NUP54: variants seen among roughly 807,000 people sequenced by gnomAD.
NUP54 encodes the protein nucleoporin 54, also known as nucleoporin p54.
In NUP54, 27 loss-of-function variants were observed where a neutral mutation model predicts 66.4. The ratio of observed to expected loss-of-function variants is 0.41; its 90% CI spans 0.30 to 0.56. The LOEUF (loss-of-function observed/expected upper bound fraction) is 0.56. Ranked by LOEUF, NUP54 falls within the 20% of genes least tolerant of loss-of-function variation. The pLI is 0.34. For missense variants in NUP54, 486 were observed against 596.3 expected (o/e 0.82, Z 1.93); for synonymous variants, 206 against 210.7 (o/e 0.98, Z 0.19).
At chr4:76,122,886 C>T (rs1299658542) in intron 9 of NUP54, among the ~76,000 whole-genome samples, 1 of 151,980 alleles carries the variant, frequency 6.6e-6, no homozygotes, top group African/African-American at 2.4e-5. Context: ...TTTATTAGTA[C>T]CTGAAGTACT....
rs199719595 is a variant in NUP54 at position 76,134,136 on chromosome 4, A to G, written c.710+39T>C. ...TGATCACTCCCTTAGGACCAGAAAT[A>G]AATACACAGAAATAAACAGTATATT... is the stretch of plus-strand genomic sequence containing the variant. On this transcript the variant is annotated intron_variant, in intron 5 of 11. Transcript: ENST00000264883. The G allele has an allele frequency of 7.6e-6, 11 of 1,441,726 alleles. No individual in the cohort carries two copies. The African/African-American group carries it at 1.4e-4, about 19-fold the overall frequency. 89.3% of individuals were successfully genotyped at this position (1,441,726 alleles called of 1,614,324 possible).
chr4:76,125,220 G>A (rs1213033035), intron 8 of NUP54, among the ~76,000 whole-genome samples: 1 of 139,782 alleles, frequency 7.2e-6, no homozygotes. Flanking sequence ...AAACCTGGGG[G>A]ATGGAGCCGA....
intron 11 of NUP54, 81 bp from the exon 12 acceptor site, chr4:76,115,575 T>C (rs1417570423): frequency 8.8e-7 from 1 of 1,137,494 alleles, no homozygotes; most frequent in East Asian, 2.7e-5. Flanking sequence ...AGACTCCACT[T>C]TGACTATTTT....
At chr4:76,117,916 C>G in intron 10 of NUP54, 142 bp from the exon 11 acceptor site, 1 of 989,736 alleles carries the variant, frequency 1.0e-6, no homozygotes, top group East Asian at 2.4e-5. Context: ...AACACTAATA[C>G]TAGCCAAAAG....
intron 1 of NUP54, chr4:76,146,066 T>C (rs1008539330): frequency 6.8e-6 from 3 of 442,440 alleles, no homozygotes; most frequent in East Asian, 7.0e-5. Context: ...GGCTACGCAA[T>C]AGAAACACTA....
intron 8 of NUP54, among the ~76,000 whole-genome samples, chr4:76,126,555 TACA>T (rs1560680161): frequency 6.6e-6 from 1 of 152,170 alleles, no homozygotes; most frequent in African/African-American, 2.4e-5. Context: ...CAAGAGTACT[TACA>T]ACATTATTTT....
At position 76,136,395 on chromosome 4, in the gene NUP54, T is replaced by G. The variant is rs1014086467; in HGVS notation, c.313A>C (p.Ser105Arg). ...TGGGTAGGAGCTTGTGTAGGCTGACTGAAGAGACCACCTAATGCTAAAAAT... is the reference window on the plus strand; with the variant it reads ...TGGGTAGGAGCTTGTGTAGGCTGACGGAAGAGACCACCTAATGCTAAAAAT... ...QQQTTLGGLFSQPTQAPTQSN... is the reference protein window; with the variant it reads ...QQQTTLGGLFRQPTQAPTQSN... Residue 105 changes from serine to arginine, a missense_variant, in exon 4 of 12, where the codon AGT becomes CGT. Coordinates refer to ENST00000264883, the MANE Select transcript of NUP54 (RefSeq NM_017426.4). The G allele has an allele frequency of 6.2e-7, 1 of 1,613,104 alleles. No homozygotes were observed. Among genetic ancestry groups the G allele is most frequent in the Admixed American group, 1.7e-5 (1 of 59,906 alleles).
chr4:76,136,772 G>C (rs550819460), intron 3 of NUP54, among the ~76,000 whole-genome samples: 17 of 152,162 alleles, frequency 1.1e-4, no homozygotes, highest in Non-Finnish European at 2.2e-4. Flanking sequence ...ACTGGAAAAT[G>C]CAAGAGAATG....
chr4:76,116,010 C>T (rs1729936127), intron 11 of NUP54, among the ~76,000 whole-genome samples: 1 of 152,178 alleles, frequency 6.6e-6, no homozygotes, highest in African/African-American at 2.4e-5. Flanking sequence ...TTTGAGCCCC[C>T]TTTGGGGTAC....
intron 4 of NUP54, among the ~76,000 whole-genome samples, chr4:76,135,568 G>C (rs151125409): frequency 6.6e-6 from 1 of 152,222 alleles, no homozygotes; most frequent in African/African-American, 2.4e-5. Flanking sequence ...CCAAACACAG[G>C]GTTATGTACA....
intron 8 of NUP54, 65 bp downstream of exon 8, chr4:76,130,591 G>T (rs1032811162): frequency 1.7e-5 from 18 of 1,070,144 alleles, no homozygotes; most frequent in East Asian, 1.2e-4. Context: ...ATACTAAAAA[G>T]AATTAAATGT....
chr4:76,138,818 G>A (rs2109899657), intron 3 of NUP54, among the ~76,000 whole-genome samples: 1 of 152,256 alleles, frequency 6.6e-6, no homozygotes, highest in South Asian at 2.1e-4. Flanking sequence ...AAAGCAATAA[G>A]GAGGACTAAC....
intron 5 of NUP54, 90 bp downstream of exon 5, chr4:76,134,085 T>C: frequency 1.2e-6 from 1 of 824,582 alleles, no homozygotes; most frequent in Non-Finnish European, 1.9e-6. Context: ...GAGAGTTAAT[T>C]TGTGCTTTAG....
chr4:76,136,177 T>TA lies in NUP54; in HGVS notation c.522+8dup. On this transcript the variant is annotated intron_variant, in intron 4 of 11. Coordinates refer to ENST00000264883, the MANE Select transcript of NUP54 (RefSeq NM_017426.4). ...CTTCAACTGAAGATAAAAATAGTAT[T>TA]AATAATACCTTAAATCGGCAAAAGG... 1 of 1,584,930 alleles carries TA rather than the reference T, an allele frequency of 6.3e-7. No homozygotes were observed. Among genetic ancestry groups the TA allele is most frequent in the Non-Finnish European group, 8.7e-7 (1 of 1,153,804 alleles).
rs1319441157 is a variant in NUP54, at chr4:76,144,153, T to TTGC, written c.288_290dup (p.Gln97dup). The TTGC allele has an allele frequency of 4.1e-5, 66 of 1,608,928 alleles. No homozygotes were observed. The highest frequency in any genetic ancestry group is 5.3e-5 in the Non-Finnish European group (62 of 1,177,280). On this transcript the variant is annotated inframe_insertion, in exon 3 of 12. Transcript: ENST00000264883. Reference sequence around the variant, plus strand: ...AGCTGAAAACCTCATACTTACTAGTTTGCTGCTGCTGCTGTGTATTAAATC... The same window carrying TTGC: ...AGCTGAAAACCTCATACTTACTAGTTTGCTGCTGCTGCTGCTGTGTATTAAATC...
chr4:76,137,082 T>C (rs1040350675), intron 3 of NUP54, among the ~76,000 whole-genome samples: 1 of 152,154 alleles, frequency 6.6e-6, no homozygotes. Context: ...CTCAACCTTC[T>C]GGGCTCAAGC....
chr4:76,115,518 T>TATTA (rs1729913815), intron 11 of NUP54, 24 bp from the exon 12 acceptor site: 2 of 1,554,732 alleles, frequency 1.3e-6, no homozygotes, highest in Non-Finnish European at 1.7e-6. Context: ...AGAAACAACA[T>TATTA]ATTAATGTAT....
chr4:76,123,038 G>C (rs1164845014), intron 9 of NUP54, among the ~76,000 whole-genome samples: 1 of 152,206 alleles, frequency 6.6e-6, no homozygotes, highest in Non-Finnish European at 1.5e-5. Flanking sequence ...GGTTGCATAG[G>C]ACTGACAGAT....
chr4:76,127,474 A>AATT (rs1399759089), intron 8 of NUP54, among the ~76,000 whole-genome samples: 3 of 150,544 alleles, frequency 2.0e-5, no homozygotes, highest in African/African-American at 7.4e-5. Context: ...TATTTAGAGA[A>AATT]AAATAAATCT....
Sources: allele counts gnomAD v4.1 joint callset (sites outside exome capture counted in the v4.1 genomes callset), GRCh38; gene constraint gnomAD v4.1.1; transcripts MANE v1.5; gene names NCBI Gene and HGNC (gene_info 2026-07-23, HGNC 2026-07-21).